Variants in RGL1 observed in about 807,000 individuals in gnomAD.
RGL1 encodes ral guanine nucleotide dissociation stimulator like 1, also known as ral guanine nucleotide dissociation stimulator-like 1.
RGL1 carries 24 observed loss-of-function variants against 95.2 expected under a neutral mutation model. The observed-to-expected ratio is 0.25, with a 90% CI of 0.18 to 0.35. The LOEUF (loss-of-function observed/expected upper bound fraction) is 0.35, where lower values mean the gene tolerates loss of function less well. Ranked by LOEUF, RGL1 falls within the 10% of genes least tolerant of loss-of-function variation. The probability of loss-of-function intolerance (pLI) is 1.00; values close to 1 mark genes in which losing one functional copy is unlikely to be tolerated. For synonymous variants in RGL1, 329 were observed against 344.9 expected (o/e 0.95, Z 0.51); for missense variants, 715 against 936.3 (o/e 0.76, Z 3.08).
intron 4 of RGL1, among the ~76,000 whole-genome samples, chr1:183,868,880 C>A (rs1413606355): frequency 6.6e-6 from 1 of 152,168 alleles, no homozygotes; most frequent in Non-Finnish European, 1.5e-5. Context: ...CTTTGGGAAG[C>A]CCAGGAGGGA....
At chr1:183,821,134 A>AAAT (rs56019394) in intron 2 of RGL1, among the ~76,000 whole-genome samples, 40,989 of 150,446 alleles carry the variant, frequency 0.27, 6,318 homozygotes, top group East Asian at 0.4. Context: ...ACTCCGTCTA[A>AAAT]AATAATAATA....
intron 2 of RGL1, among the ~76,000 whole-genome samples, chr1:183,823,634 C>T (rs1036856461): frequency 6.6e-6 from 1 of 152,200 alleles, no homozygotes; most frequent in South Asian, 2.1e-4. Flanking sequence ...CTAGGCAACT[C>T]TACAATTATT....
At chr1:183,856,326 T>A (rs1193739329) in intron 3 of RGL1, among the ~76,000 whole-genome samples, 1 of 151,806 alleles carries the variant, frequency 6.6e-6, no homozygotes, top group East Asian at 1.9e-4. Context: ...CATATATATA[T>A]ATGTTCTGTT....
intron 13 of RGL1, among the ~76,000 whole-genome samples, 180 bp downstream of exon 13, chr1:183,905,151 T>G (rs140593207): frequency 6.6e-6 from 1 of 152,354 alleles, no homozygotes; most frequent in African/African-American, 2.4e-5. Context: ...AGCATCAAGA[T>G]GTACTTTCAG....
intron 1 of RGL1, among the ~76,000 whole-genome samples, chr1:183,657,011 C>CAAAAAAAAA (rs1278009517): frequency 8.0e-6 from 1 of 124,656 alleles, no homozygotes; most frequent in Non-Finnish European, 1.7e-5. Context: ...AAAATCGACT[C>CAAAAAAAAA]AAAAAAAAAA....
intron 1 of RGL1, among the ~76,000 whole-genome samples, chr1:183,739,345 A>C (rs569833883): frequency 1.6e-4 from 25 of 152,248 alleles, no homozygotes; most frequent in Non-Finnish European, 2.6e-4. Context: ...AGGAGGTTGC[A>C]TTCTACCAGC....
chr1:183,805,955 CTTTTTCTTTTCTTTTCTTTTTTT>C (rs1661268644), intron 1 of RGL1, among the ~76,000 whole-genome samples: 2 of 50,804 alleles, frequency 3.9e-5, no homozygotes, highest in African/African-American at 6.5e-5. Context: ...TTTTCTTTTT[CTTTTTCTTTTCTTTTCTTTTTTT>C]TTTTTTTTTT....
At chr1:183,636,267 G>C (rs1311993219) in exon 1 of RGL1, 1 of 398,608 alleles carries the variant, frequency 2.5e-6, no homozygotes, top group Non-Finnish European at 4.4e-6. Context: ...GTTGGTAGGA[G>C]TATGAGGCAG....
chr1:183,733,096 CTGAG>C (rs1656726357), intron 1 of RGL1, among the ~76,000 whole-genome samples: 1 of 151,940 alleles, frequency 6.6e-6, no homozygotes, highest in South Asian at 2.1e-4. Context: ...TCACAGAGCT[CTGAG>C]TAAGAGGAAA....
intron 1 of RGL1, among the ~76,000 whole-genome samples, chr1:183,693,315 G>T (rs1206462068): frequency 1.3e-5 from 2 of 152,054 alleles, no homozygotes; most frequent in African/African-American, 4.8e-5. Context: ...AGTCCTAGAA[G>T]GCTATAGGAA....
At chr1:183,703,169 T>C (rs955095102) in intron 1 of RGL1, among the ~76,000 whole-genome samples, 1 of 152,216 alleles carries the variant, frequency 6.6e-6, no homozygotes, top group Non-Finnish European at 1.5e-5. Context: ...GGGGAAAGTC[T>C]TTCATTCTTG....
At chr1:183,804,182 A>G (rs1661143904), upstream of RGL1, among the ~76,000 whole-genome samples, 1 of 128,050 alleles carries the variant, frequency 7.8e-6, no homozygotes, top group Non-Finnish European at 1.6e-5. Flanking sequence ...ATAGTATGGC[A>G]ATTAGTGGGA....
Position 183,926,398 on chromosome 1 carries a change from C to A in RGL1, c.*106C>A. 1.1e-6 allele frequency: 1 copy of A among 929,208 alleles called. No homozygotes were observed. Among genetic ancestry groups the A allele is most frequent in the Non-Finnish European group, 1.6e-6 (1 of 628,422 alleles). The allele number at this position is 929,208 out of a possible 1,614,324, so 57.6% of individuals were successfully genotyped here. On this transcript the variant is annotated 3_prime_UTR_variant, in exon 18 of 18. Coordinates refer to ENST00000360851, the MANE Select transcript of RGL1 (RefSeq NM_001297671.3). Reference sequence around the variant, plus strand: ...GGTGTTCGAGGATCATTGGTGAAGTCAGCAGATATTTATTGAGTTCCTGTG... The same window carrying A: ...GGTGTTCGAGGATCATTGGTGAAGTAAGCAGATATTTATTGAGTTCCTGTG...
intron 1 of RGL1, among the ~76,000 whole-genome samples, chr1:183,805,971 C>CTTTTTTTTTTTT (rs751229707): frequency 3.5e-4 from 26 of 74,622 alleles, no homozygotes; most frequent in East Asian, 1.4e-3. Context: ...CTTTTCTTTT[C>CTTTTTTTTTTTT]TTTTTTTTTT....
chr1:183,772,404 G>A (rs1659328760), intron 2 of RGL1, among the ~76,000 whole-genome samples: 1 of 152,218 alleles, frequency 6.6e-6, no homozygotes, highest in Non-Finnish European at 1.5e-5. Context: ...CTGGGAGGGG[G>A]ACAAGGGAAC....
At chr1:183,703,622 G>T (rs990838684) in intron 1 of RGL1, among the ~76,000 whole-genome samples, 16 of 152,224 alleles carry the variant, frequency 1.1e-4, no homozygotes, top group African/African-American at 3.9e-4. Flanking sequence ...AACAATTGGA[G>T]ATATTAAACT....
At position 183,641,136 on chromosome 1, in the gene RGL1, A is replaced by G. The variant is rs539166186; in HGVS notation, c.-33+4635A>G. On this transcript the variant is annotated intron_variant, in intron 1 of 18. Coordinates refer to the RGL1 transcript ENST00000304685. ...TATATTTTGTTTATATGGTTTCAGAATTTTTTTTAAATAATTGCCACAAGA... is the reference window on the plus strand; with the variant it reads ...TATATTTTGTTTATATGGTTTCAGAGTTTTTTTTAAATAATTGCCACAAGA... Among the ~76,000 whole-genome samples the G allele has an allele frequency of 7.5e-4, 114 of 152,088 alleles. No homozygotes were observed. The South Asian group carries it at 0.012, about 16-fold the overall frequency.
In RGL1 at chr1:183,648,675, C is replaced by A. The variant is rs753388975; in HGVS notation, c.-33+12174C>A. ...GGAAACTCTTGCTTCTTCACCTGTT[C>A]GAATATGGTAAGGACAATTAGAGCA... On this transcript the variant is annotated intron_variant, in intron 1 of 18. Coordinates refer to the RGL1 transcript ENST00000304685. 44 of 1,613,996 alleles carry A rather than the reference C, an allele frequency of 2.7e-5. 1 individual carries two copies. In the South Asian group the frequency reaches 4.4e-4, roughly 16 times the overall value.
At chr1:183,892,989 A>C (rs1026710357) in intron 9 of RGL1, among the ~76,000 whole-genome samples, 1 of 152,262 alleles carries the variant, frequency 6.6e-6, no homozygotes, top group African/African-American at 2.4e-5. Flanking sequence ...GTAGAGCTAA[A>C]ATATGAATGT....
Sources: allele counts gnomAD v4.1 joint callset (sites outside exome capture counted in the v4.1 genomes callset), GRCh38; gene constraint gnomAD v4.1.1; transcripts MANE v1.5; gene names NCBI Gene and HGNC (gene_info 2026-07-23, HGNC 2026-07-21).